Variants in CRYBG1 observed in about 807,000 individuals in gnomAD.
CRYBG1 encodes the protein beta/gamma crystallin domain-containing protein 1.
Under a neutral mutation model 189.2 loss-of-function variants are expected in CRYBG1, and 139 were observed. The observed-to-expected ratio is 0.73, with a 90% CI of 0.64 to 0.85. CRYBG1 has a LOEUF of 0.85. Ranked by LOEUF, CRYBG1 falls within the 40% of genes least tolerant of loss-of-function variation. The pLI is 0.00. For synonymous variants in CRYBG1, 1,023 were observed against 1,017.1 expected (o/e 1.01, Z -0.11); for missense variants, 2,611 against 2,675.8 (o/e 0.98, Z 0.53).
At chr6:106,521,542 A>G in intron 4 of CRYBG1, 89 bp downstream of exon 4, 2 of 1,369,058 alleles carry the variant, frequency 1.5e-6, no homozygotes, top group Non-Finnish European at 2.0e-6. Flanking sequence ...TTCTTTTAGA[A>G]ATGGTTAAGC....
Position 106,511,723 on chromosome 6 carries a change from C to T in CRYBG1, c.606C>T (p.Gly202=), listed in dbSNP as rs1011461951. The T allele has an allele frequency of 1.1e-5, 17 of 1,535,230 alleles. No individual in the cohort carries two copies. In the Admixed American group the frequency reaches 1.8e-4, roughly 16 times the overall value. The stretch of plus-strand genomic sequence containing the variant: ...AGGGCGAGCTCCCCGAGAGCGGTGG[C>T]CCCGCAGCCCCCCCTGACGCCGAGC... ...EAEGELPESG[G]PAAPPDAELS... The change falls in exon 3 of 22, where the codon GGC becomes GGT. Residue 202 remains glycine, a synonymous_variant. Coordinates refer to ENST00000633556, the MANE Select transcript of CRYBG1 (RefSeq NM_001371242.2).
intron 17 of CRYBG1, 33 bp from the exon 18 acceptor site, chr6:106,558,453 G>T: frequency 1.3e-6 from 2 of 1,497,080 alleles, no homozygotes; most frequent in South Asian, 1.2e-5. Flanking sequence ...TAACAAAGAT[G>T]AATAACAGAA....
At chr6:106,467,998 G>A in intron 2 of CRYBG1, among the ~76,000 whole-genome samples, 1 of 152,090 alleles carries the variant, frequency 6.6e-6, no homozygotes, top group East Asian at 1.9e-4. Context: ...AAATGAGGGA[G>A]TCTTACAGAA....
intron 1 of CRYBG1, among the ~76,000 whole-genome samples, chr6:106,413,363 G>T (rs1770964145): frequency 1.3e-5 from 2 of 152,048 alleles, no homozygotes; most frequent in Admixed American, 1.3e-4. Context: ...TGGATGAAAT[G>T]AAATTCTGGG....
intron 1 of CRYBG1, among the ~76,000 whole-genome samples, chr6:106,427,318 A>G (rs141478003): frequency 6.6e-6 from 1 of 152,296 alleles, no homozygotes; most frequent in East Asian, 1.9e-4. Flanking sequence ...TAACAGGTCT[A>G]AAACCCAACT....
chr6:106,546,982 A>G (rs1774278143), intron 13 of CRYBG1, among the ~76,000 whole-genome samples: 2 of 152,210 alleles, frequency 1.3e-5, no homozygotes, highest in Admixed American at 1.3e-4. Flanking sequence ...AGGTAGAATT[A>G]TTGTGCCTTG....
chr6:106,441,989 G>T (rs1771575494), intron 1 of CRYBG1, among the ~76,000 whole-genome samples: 1 of 152,010 alleles, frequency 6.6e-6, no homozygotes, highest in Admixed American at 6.6e-5. Context: ...ATGTTTTAGA[G>T]GTCTTGCAAG....
intron 1 of CRYBG1, among the ~76,000 whole-genome samples, chr6:106,378,505 A>G (rs112931111): frequency 0.017 from 2,558 of 152,242 alleles, 80 homozygotes; most frequent in African/African-American, 0.058. Flanking sequence ...ACACATACCC[A>G]TATTTCTTCT....
At position 106,520,704 on chromosome 6, in the gene CRYBG1, G is replaced by C; in HGVS notation, c.3496G>C (p.Glu1166Gln). Residue 1166 changes from glutamate to glutamine, a missense_variant, in exon 4 of 22, where the codon GAA (glutamate) becomes CAA (glutamine). Around this residue, in one of 3 missense-constraint regions of CRYBG1, gnomAD observed 1,622 missense variants for 1,735.0 expected, o/e 0.93. Transcript: ENST00000633556. Reference protein sequence around the residue: ...VFTFGLGKKKESQPEMSPALH... With the variant: ...VFTFGLGKKKQSQPEMSPALH... ...TACCTTTGGTTTGGGGAAGAAGAAGGAAAGTCAGCCAGAAATGTCACCGGC... is the reference window on the plus strand; with the variant it reads ...TACCTTTGGTTTGGGGAAGAAGAAGCAAAGTCAGCCAGAAATGTCACCGGC... The C allele has an allele frequency of 6.2e-7, 1 of 1,614,080 alleles. No homozygotes were observed. The highest frequency in any genetic ancestry group is 8.5e-7 in the Non-Finnish European group (1 of 1,180,016).
chr6:106,538,933 G>A (rs783400), intron 8 of CRYBG1, among the ~76,000 whole-genome samples: 62,822 of 151,368 alleles, frequency 0.42, 13,224 homozygotes, highest in Non-Finnish European at 0.43. Context: ...TTCTGGAATC[G>A]GCTTGAATCA....
At chr6:106,374,790 A>G (rs1174362281) in intron 1 of CRYBG1, among the ~76,000 whole-genome samples, 1 of 152,238 alleles carries the variant, frequency 6.6e-6, no homozygotes, top group Non-Finnish European at 1.5e-5. Context: ...AGACACATTC[A>G]TACATATATA....
At chr6:106,453,663 G>T (rs1771827212) in intron 2 of CRYBG1, among the ~76,000 whole-genome samples, 2 of 152,194 alleles carry the variant, frequency 1.3e-5, no homozygotes, top group African/African-American at 4.8e-5. Context: ...AATGTCTGCT[G>T]AAGTCCAGGA....
At chr6:106,478,256 T>G (rs983766325) in intron 2 of CRYBG1, among the ~76,000 whole-genome samples, 1 of 152,234 alleles carries the variant, frequency 6.6e-6, no homozygotes, top group Non-Finnish European at 1.5e-5. Flanking sequence ...TGTGTATGTA[T>G]TATCCTTTTG....
chr6:106,501,095 C>G (rs750960908), intron 2 of CRYBG1, among the ~76,000 whole-genome samples: 1 of 152,104 alleles, frequency 6.6e-6, no homozygotes, highest in Non-Finnish European at 1.5e-5. Flanking sequence ...CACAGGTGAA[C>G]AAAATAACGT....
intron 7 of CRYBG1, 40 bp downstream of exon 7, chr6:106,527,510 T>C: frequency 6.4e-7 from 1 of 1,568,310 alleles, no homozygotes; most frequent in Non-Finnish European, 8.7e-7. Flanking sequence ...ATTCAGCTAA[T>C]ATTTATGGAT....
chr6:106,363,039 A>T (rs1405185071), intron 1 of CRYBG1, among the ~76,000 whole-genome samples: 1 of 151,610 alleles, frequency 6.6e-6, no homozygotes, highest in Non-Finnish European at 1.5e-5. Flanking sequence ...AGGTCAGGAG[A>T]TCGAGACCAT....
At chr6:106,430,712 C>G (rs56307966) in intron 1 of CRYBG1, among the ~76,000 whole-genome samples, 1 of 151,802 alleles carries the variant, frequency 6.6e-6, no homozygotes, top group East Asian at 1.9e-4. Context: ...AGTTTCTTCC[C>G]ATATTATCTC....
chr6:106,394,100 A>G (rs1770559536), intron 1 of CRYBG1, among the ~76,000 whole-genome samples: 1 of 152,224 alleles, frequency 6.6e-6, no homozygotes, highest in Non-Finnish European at 1.5e-5. Context: ...TGTCACTTCT[A>G]ATCCATGCAC....
In CRYBG1 at chr6:106,527,423, G is replaced by A; in HGVS notation, c.4531G>A (p.Glu1511Lys). 1 of 1,613,732 alleles carries A rather than the reference G, an allele frequency of 6.2e-7. No homozygotes were observed. ...CATTTTGGAAAGGCACGAAGAAGCA[G>A]AGTCTGATAAGCCAGTGGTGATTGG... ...EDILERHEEA[E>K]SDKPVVIGSI... Residue 1511 changes from glutamate (E) to lysine (K), a missense_variant, in exon 7 of 22, where the codon GAG becomes AAG. Around this residue, in one of 3 missense-constraint regions of CRYBG1, gnomAD observed 1,622 missense variants for 1,735.0 expected, o/e 0.93. Transcript: ENST00000633556.
Sources: gnomAD v4.1 joint callset for allele counts (sites outside exome capture counted in the v4.1 genomes callset) on GRCh38, gnomAD v4.1.1 for gene constraint, gnomAD v4.1.1 regional missense constraint, MANE v1.5 for transcripts, NCBI Gene and HGNC (gene_info 2026-07-23, HGNC 2026-07-21) for gene names.